Variants in MIPOL1 observed in about 807,000 individuals in gnomAD.
MIPOL1 encodes mirror-image polydactyly gene 1 protein.
MIPOL1 carries 57 observed loss-of-function variants against 60.9 expected under a neutral mutation model. That is an observed-to-expected ratio of 0.94 (90% CI 0.76 to 1.17). The LOEUF is 1.17. Among genes scored for constraint, MIPOL1 ranks in the 50% most tolerant of loss-of-function variants. The pLI is 0.00. For missense variants in MIPOL1, 551 were observed against 511.6 expected (o/e 1.08, Z -0.74); for synonymous variants, 179 against 168.8 (o/e 1.06, Z -0.47).
intron 6 of MIPOL1, among the ~76,000 whole-genome samples, chr14:37,270,829 A>G (rs976520070): frequency 3.3e-5 from 5 of 151,996 alleles, no homozygotes; most frequent in African/African-American, 4.8e-5. Context: ...AGGGGAAATA[A>G]TGATTACCAG....
At chr14:37,213,215 C>G (rs1966998891) in intron 1 of MIPOL1, among the ~76,000 whole-genome samples, 1 of 152,124 alleles carries the variant, frequency 6.6e-6, no homozygotes, top group African/African-American at 2.4e-5. Flanking sequence ...ATCAAATAAA[C>G]TAAGTAAGGA....
chr14:37,216,898 A>G (rs1010084505), intron 1 of MIPOL1, among the ~76,000 whole-genome samples: 9 of 152,250 alleles, frequency 5.9e-5, no homozygotes, highest in African/African-American at 1.7e-4. Flanking sequence ...AGCAAACCAA[A>G]TCCAACATTA....
chr14:37,522,256 T>A (rs1389063218), intron 12 of MIPOL1, among the ~76,000 whole-genome samples: 1 of 152,194 alleles, frequency 6.6e-6, no homozygotes, highest in Non-Finnish European at 1.5e-5. Flanking sequence ...ATCATATTAA[T>A]GTTAAGTGTT....
intron 9 of MIPOL1, among the ~76,000 whole-genome samples, chr14:37,330,183 C>T (rs954144516): frequency 6.6e-6 from 1 of 151,984 alleles, no homozygotes; most frequent in African/African-American, 2.4e-5. Context: ...TAATTACATT[C>T]TGATTATTCA....
intron 11 of MIPOL1, among the ~76,000 whole-genome samples, chr14:37,494,192 T>G (rs1437416178): frequency 1.3e-5 from 2 of 152,198 alleles, no homozygotes; most frequent in Non-Finnish European, 2.9e-5. Flanking sequence ...ACTGAAGTTC[T>G]TAAGGAATGT....
At chr14:37,390,418 A>G (rs1348594747) in intron 10 of MIPOL1, among the ~76,000 whole-genome samples, 1 of 152,126 alleles carries the variant, frequency 6.6e-6, no homozygotes, top group African/African-American at 2.4e-5. Flanking sequence ...TAGATACACA[A>G]GAAGATAAGA....
Position 37,368,273 on chromosome 14 carries a change from T to G in MIPOL1, c.829-1244T>G, listed in dbSNP as rs191657828. On this transcript the variant is annotated intron_variant, in intron 9 of 12. Coordinates refer to ENST00000684589, the MANE Select transcript of MIPOL1 (RefSeq NM_001388067.1). ...TATGTATGAAGTGTGTATACTCAAT[T>G]TCATATTTGTACACAAACATCATTT... is the stretch of plus-strand genomic sequence containing the variant. 3.4e-4 allele frequency among the ~76,000 whole-genome samples: 51 copies of G among 152,238 alleles called. No homozygotes were observed. In the East Asian group the frequency reaches 8.1e-3, roughly 24 times the overall value.
intron 11 of MIPOL1, among the ~76,000 whole-genome samples, chr14:37,428,151 G>T (rs530051069): frequency 6.6e-6 from 1 of 152,106 alleles, no homozygotes; most frequent in South Asian, 2.1e-4. Flanking sequence ...GAATACAGCC[G>T]GCATGTATAC....
intron 10 of MIPOL1, among the ~76,000 whole-genome samples, chr14:37,378,389 G>T (rs2153506379): frequency 6.6e-6 from 1 of 151,986 alleles, no homozygotes; most frequent in Non-Finnish European, 1.5e-5. Context: ...GGGTCTCAAG[G>T]GCATGATGCA....
intron 10 of MIPOL1, among the ~76,000 whole-genome samples, chr14:37,398,300 G>A (rs1430790086): frequency 6.6e-6 from 1 of 152,226 alleles, no homozygotes; most frequent in Non-Finnish European, 1.5e-5. Flanking sequence ...CACTTCCGCA[G>A]TTGGGGCACT....
At chr14:37,451,805 TC>T (rs1435023373) in intron 11 of MIPOL1, among the ~76,000 whole-genome samples, 5 of 113,104 alleles carry the variant, frequency 4.4e-5, no homozygotes, top group African/African-American at 1.6e-4. Context: ...TTGTTTATTC[TC>T]TCTTTTTTTT....
chr14:37,534,114 AGAT>A (rs979321300), intron 12 of MIPOL1, among the ~76,000 whole-genome samples: 2 of 151,962 alleles, frequency 1.3e-5, no homozygotes, highest in African/African-American at 4.8e-5. Context: ...AAGAAGAAGA[AGAT>A]GATGATGATC....
chr14:37,450,747 T>G (rs2153574447), intron 11 of MIPOL1, among the ~76,000 whole-genome samples: 1 of 152,272 alleles, frequency 6.6e-6, no homozygotes, highest in East Asian at 1.9e-4. Context: ...TTATACTTTC[T>G]GGACAGATTC....
At chr14:37,335,128 T>G (rs1031567691) in intron 9 of MIPOL1, among the ~76,000 whole-genome samples, 2 of 152,088 alleles carry the variant, frequency 1.3e-5, no homozygotes, top group Non-Finnish European at 2.9e-5. Context: ...CCACCAACAA[T>G]TTATGAAGGG....
intron 10 of MIPOL1, among the ~76,000 whole-genome samples, chr14:37,391,683 C>T (rs998611913): frequency 2.0e-5 from 3 of 152,072 alleles, no homozygotes; most frequent in East Asian, 1.9e-4. Context: ...CATGAGCCAC[C>T]GTGCCCAGCC....
At chr14:37,313,338 G>GC (rs1413233007) in intron 9 of MIPOL1, among the ~76,000 whole-genome samples, 2 of 152,016 alleles carry the variant, frequency 1.3e-5, no homozygotes, top group Admixed American at 1.3e-4. Context: ...ATTATTCCTA[G>GC]ATATTCTGGC....
intron 11 of MIPOL1, among the ~76,000 whole-genome samples, chr14:37,451,327 A>G (rs894477615): frequency 2.0e-5 from 3 of 152,172 alleles, no homozygotes; most frequent in Admixed American, 1.3e-4. Flanking sequence ...GAAGGCAGCT[A>G]TTGAGATGGC....
At chr14:37,539,159 G>A (rs993211092) in intron 12 of MIPOL1, among the ~76,000 whole-genome samples, 2 of 151,852 alleles carry the variant, frequency 1.3e-5, no homozygotes, top group African/African-American at 4.8e-5. Flanking sequence ...CCGAGATCGT[G>A]CCACTGCACT....
intron 12 of MIPOL1, among the ~76,000 whole-genome samples, chr14:37,521,962 C>A (rs957926363): frequency 3.4e-5 from 5 of 149,034 alleles, no homozygotes; most frequent in Non-Finnish European, 7.4e-5. Flanking sequence ...ACATTACCAC[C>A]TTTGGCTACA....
Sources: gnomAD v4.1 joint callset for allele counts (sites outside exome capture counted in the v4.1 genomes callset) on GRCh38, gnomAD v4.1.1 for gene constraint, MANE v1.5 for transcripts, NCBI Gene and HGNC (gene_info 2026-07-23, HGNC 2026-07-21) for gene names.